The following JADE2 variants were observed in gnomAD, a reference collection of about 807,000 sequenced individuals.
JADE2 encodes the protein E3 ubiquitin-protein ligase Jade-2.
Under a neutral mutation model 85.7 loss-of-function variants are expected in JADE2, and 13 were observed. That is an observed-to-expected ratio of 0.15 (90% CI 0.10 to 0.24). The LOEUF (loss-of-function observed/expected upper bound fraction) is 0.24. Ranked by LOEUF, JADE2 falls within the 10% of genes least tolerant of loss-of-function variation. The probability of loss-of-function intolerance (pLI) is 1.00; values close to 1 mark genes in which losing one functional copy is unlikely to be tolerated. For synonymous variants in JADE2, 440 were observed against 456.1 expected, an observed-to-expected ratio of 0.96 and a Z score of 0.45; for missense variants, 846 against 1,115.9, an observed-to-expected ratio of 0.76 and a Z score of 3.45.
rs1295253659 is a variant in JADE2, at chr5:134,582,369, G to T, written c.*3052G>T. ...CATAGATGTTGAATTGTTTGTGGGG[G>T]GTGTGCCAGGCCACGTCTCGTGTGT... On this transcript the variant is annotated 3_prime_UTR_variant, in exon 12 of 12. Transcript: ENST00000681547. 1.3e-5 allele frequency: 2 copies of T among 152,136 alleles called. No individual in the cohort carries two copies. The allele number at this position is 152,136 out of a possible 1,614,324, so 9.4% of individuals were successfully genotyped here.
rs1763101808 is a variant in JADE2, at chr5:134,558,295, G to A, written c.312-1535G>A. ...TCTGGATATTAGCCCTTTGTCAGAT[G>A]AGTAGGTTGCGAAAATTTTCTCCCA... is the stretch of plus-strand genomic sequence containing the variant. On this transcript the variant is annotated intron_variant, in intron 4 of 11. Coordinates refer to ENST00000681547, the MANE Select transcript of JADE2 (RefSeq NM_001388185.1). Among the ~76,000 whole-genome samples the A allele has an allele frequency of 2.2e-5, 3 of 136,156 alleles. No homozygotes were observed. The South Asian group carries it at 7.9e-4, about 36-fold the overall frequency. The allele number at this position is 136,156 out of a possible 152,430, so 89.3% of individuals were successfully genotyped here.
chr5:134,563,145 G>A (rs1011540301), intron 7 of JADE2, among the ~76,000 whole-genome samples: 2 of 151,790 alleles, frequency 1.3e-5, no homozygotes, highest in Admixed American at 6.6e-5. Context: ...TGGTAACCCC[G>A]TCTCTACTAA....
chr5:134,566,645 C>T lies in JADE2; in HGVS notation c.1434+65C>T. ...GTCCAGGAGTCCTTTCCATGCCACA[C>T]TCACTGCCCTGGAGCAGCTAGGACT... On this transcript the variant is annotated intron_variant, in intron 9 of 11. Coordinates refer to ENST00000681547, the MANE Select transcript of JADE2 (RefSeq NM_001388185.1). This position sits in a 1 kb window ranked among gnomAD's most constrained non-coding sequence, Gnocchi z 6.7. The T allele has an allele frequency of 8.3e-7, 1 of 1,202,700 alleles. No individual in the cohort carries two copies. Among genetic ancestry groups the T allele is most frequent in the Non-Finnish European group, 1.2e-6 (1 of 865,190 alleles). The allele number at this position is 1,202,700 out of a possible 1,614,324, so 74.5% of individuals were successfully genotyped here. A position where few individuals can be genotyped will look rare whatever the true frequency, so the allele number is the denominator to read the frequency against.
chr5:134,534,362 A>C (rs1022556261), intron 1 of JADE2, among the ~76,000 whole-genome samples: 3 of 151,836 alleles, frequency 2.0e-5, no homozygotes, highest in Admixed American at 2.0e-4. Context: ...TGCTGCTTGC[A>C]CCACCAGTGT....
Position 134,525,707 on chromosome 5 carries a change from G to A in JADE2, c.-305G>A, listed in dbSNP as rs1346694263. On this transcript the variant is annotated 5_prime_UTR_variant, in exon 1 of 12. Coordinates refer to ENST00000681547, the MANE Select transcript of JADE2 (RefSeq NM_001388185.1). The stretch of plus-strand genomic sequence containing the variant: ...AGGGGGTTGGTGAATGGTGCCGACC[G>A]CGGCCATCGCAGTTGGAGGCTATTT... 19 of 1,241,314 alleles carry A rather than the reference G, an allele frequency of 1.5e-5. No homozygotes were observed. The highest frequency in any genetic ancestry group is 2.9e-5 in the Admixed American group (1 of 34,572). 76.9% of individuals were successfully genotyped at this position (1,241,314 alleles called of 1,614,324 possible). A position where few individuals can be genotyped will look rare whatever the true frequency, so the allele number is the denominator to read the frequency against.
intron 7 of JADE2, among the ~76,000 whole-genome samples, chr5:134,563,457 G>C (rs1763453387): frequency 6.6e-6 from 1 of 152,226 alleles, no homozygotes; most frequent in Non-Finnish European, 1.5e-5. Context: ...GCTGGGTCCA[G>C]AGTCAGTGAG....
rs1283311906 is a variant in JADE2, at chr5:134,566,135, T to A, written c.989T>A (p.Val330Asp). Reference sequence around the variant, plus strand: ...CCTCAGTGTTCCATGCCTTCCTGCGTCACAGCGTTCCATGTCACATGCGCC... The same window carrying A: ...CCTCAGTGTTCCATGCCTTCCTGCGACACAGCGTTCCATGTCACATGCGCC... ...TCIQCSMPSC[V>D]TAFHVTCAFD... Residue 330 changes from valine to aspartate, a missense_variant, in exon 9 of 12, where the codon GTC (valine) becomes GAC (aspartate). Physicochemically the swap from Val to Asp is radical, Grantham distance 152 (BLOSUM62 -3). Transcript: ENST00000681547. This position sits in a 1 kb window ranked among gnomAD's most constrained non-coding sequence, Gnocchi z 6.7. 1 of 1,613,514 alleles carries A rather than the reference T, an allele frequency of 6.2e-7. No homozygotes were observed. The highest frequency in any genetic ancestry group is 1.3e-5 in the African/African-American group (1 of 74,880).
In JADE2 at chr5:134,563,320, A is replaced by T. The variant is rs539075413; in HGVS notation, c.852+953A>T. On this transcript the variant is annotated intron_variant, in intron 7 of 11. Coordinates refer to ENST00000681547, the MANE Select transcript of JADE2 (RefSeq NM_001388185.1). Reference sequence around the variant, plus strand: ...GTAACAGAATGAGACTGTTTAAAAAAAAAAAAAAAGAGAATCAGGTGGTAA... The same window carrying T: ...GTAACAGAATGAGACTGTTTAAAAATAAAAAAAAAGAGAATCAGGTGGTAA... Among the ~76,000 whole-genome samples, 579 of 151,984 alleles carry T rather than the reference A, an allele frequency of 3.8e-3. 2 individuals carry two copies. Among genetic ancestry groups the T allele is most frequent in the Non-Finnish European group, 6.2e-3 (420 of 67,928 alleles).
chr5:134,560,621 TG>T (rs1763261075), intron 5 of JADE2, 124 bp from the exon 6 acceptor site: 1 of 753,482 alleles, frequency 1.3e-6, no homozygotes, highest in Non-Finnish European at 2.2e-6. Context: ...GGTCCAACAG[TG>T]GGTGGGCAGA....
rs201564998 is a variant in JADE2 at position 134,578,911 on chromosome 5, C to T, written c.2099C>T (p.Pro700Leu). ...CCACGTCGGACATCTTCTCACTTGC[C>T]GTCCAGCCCTGCAGCCGGGGACTGT... ...KPPRRTSSHL[P>L]SSPAAGDCPI... is the part of the protein sequence containing the mutation. Residue 700 changes from proline (P) to leucine (L), a missense_variant, in exon 12 of 12, where the codon CCG (proline) becomes CTG (leucine). By Grantham distance (98) the Pro-to-Leu change is moderately conservative. This residue lies in a region of JADE2 where 300 missense variants were observed against 300.7 expected (regional missense o/e 1.00). Coordinates refer to ENST00000681547, the MANE Select transcript of JADE2 (RefSeq NM_001388185.1). The surrounding 1 kb of genome is among the most constrained non-coding windows in gnomAD (Gnocchi z 4.4). 79 of 1,613,742 alleles carry T rather than the reference C, an allele frequency of 4.9e-5. No individual in the cohort carries two copies. The highest frequency in any genetic ancestry group is 6.4e-5 in the Non-Finnish European group (76 of 1,180,028).
chr5:134,526,047 T>C, intron 1 of JADE2, 36 bp downstream of exon 1: 2 of 985,266 alleles, frequency 2.0e-6, no homozygotes, highest in Non-Finnish European at 2.4e-6. Flanking sequence ...GCCCTGCGCA[T>C]CTCCACGACG....
At chr5:134,531,532 C>T (rs1287015592) in intron 1 of JADE2, among the ~76,000 whole-genome samples, 4 of 152,018 alleles carry the variant, frequency 2.6e-5, no homozygotes, top group Non-Finnish European at 5.9e-5. Flanking sequence ...CTGCCTCTAC[C>T]TCCCAAGTAG....
intron 4 of JADE2, among the ~76,000 whole-genome samples, chr5:134,554,736 C>T (rs1464426285): frequency 1.3e-5 from 2 of 152,102 alleles, no homozygotes; most frequent in Non-Finnish European, 2.9e-5. Context: ...ATCTCCACGC[C>T]TCTTCTGTTG....
intron 1 of JADE2, among the ~76,000 whole-genome samples, chr5:134,534,182 C>T (rs1761438373): frequency 6.6e-6 from 1 of 152,180 alleles, no homozygotes; most frequent in Admixed American, 6.5e-5. Flanking sequence ...GGGCAGGTCA[C>T]TTAACCTCTG....
intron 3 of JADE2, among the ~76,000 whole-genome samples, chr5:134,540,158 G>A (rs1761883478): frequency 6.6e-6 from 1 of 152,110 alleles, no homozygotes; most frequent in Admixed American, 6.5e-5. Context: ...AGGCAGGTGG[G>A]GCCTTGGGGA....
chr5:134,539,132 G>A (rs1189743639), intron 3 of JADE2, among the ~76,000 whole-genome samples: 3 of 151,380 alleles, frequency 2.0e-5, no homozygotes, highest in Non-Finnish European at 4.4e-5. Context: ...CGTGATCTCG[G>A]CTCACTGCAA....
At chr5:134,549,957 A>G (rs1190493510) in intron 3 of JADE2, among the ~76,000 whole-genome samples, 2 of 152,216 alleles carry the variant, frequency 1.3e-5, no homozygotes, top group Non-Finnish European at 2.9e-5. Context: ...ACCCAGCCCC[A>G]GCCCTACTGA....
rs1581498845 is a variant in JADE2, at chr5:134,580,298, G to A, written c.*981G>A. On this transcript the variant is annotated 3_prime_UTR_variant, in exon 12 of 12. Transcript: ENST00000681547. ...TGAGCTTCTTCCGTGGTTTCCTTTT[G>A]GAAACTCCTCCTTCCAACAAGCAGT... 1 of 152,868 alleles carries A rather than the reference G, an allele frequency of 6.5e-6. No homozygotes were observed. Among genetic ancestry groups the A allele is most frequent in the East Asian group, 1.9e-4 (1 of 5,190 alleles). 9.5% of individuals were successfully genotyped at this position (152,868 alleles called of 1,614,324 possible).
rs1764759677 is a variant in JADE2, at chr5:134,582,541, CT to C, written c.*3227del. ...TTGCTAACTGCCAGATGTGGCCAAC[CT>C]TTGTCCATATGCAAACCACTGAAAA... On this transcript the variant is annotated 3_prime_UTR_variant, in exon 12 of 12. Transcript: ENST00000681547. 1 of 152,410 alleles carries C rather than the reference CT, an allele frequency of 6.6e-6. No homozygotes were observed. Among genetic ancestry groups the C allele is most frequent in the Admixed American group, 6.5e-5 (1 of 15,290 alleles). 9.4% of individuals were successfully genotyped at this position (152,410 alleles called of 1,614,324 possible).
Sources: gnomAD v4.1 joint callset for allele counts (sites outside exome capture counted in the v4.1 genomes callset) on GRCh38, gnomAD v4.1.1 for gene constraint, gnomAD v4.1.1 regional missense constraint, Gnocchi (gnomAD v3.1) non-coding constraint, MANE v1.5 for transcripts, NCBI Gene and HGNC (gene_info 2026-07-23, HGNC 2026-07-21) for gene names.